The following ASH1L variants were observed in gnomAD, a reference collection of about 807,000 sequenced individuals.
ASH1L encodes ASH1 like histone lysine methyltransferase, also known as histone-lysine N-methyltransferase ASH1L.
In ASH1L, 23 loss-of-function variants were observed where a neutral mutation model predicts 269.0. That is an observed-to-expected ratio of 0.09 (90% CI 0.06 to 0.12). The LOEUF (loss-of-function observed/expected upper bound fraction) is 0.12. Among genes scored for constraint, ASH1L ranks in the 10% least tolerant of loss-of-function variants. The pLI, the probability that ASH1L is intolerant of heterozygous loss-of-function variation, is 1.00. For missense variants in ASH1L, 2,912 were observed against 3,567.8 expected (o/e 0.82, Z 4.68); for synonymous variants, 1,187 against 1,253.5 (o/e 0.95, Z 1.12).
In ASH1L at chr1:155,478,680, C is replaced by A; in HGVS notation, c.4190G>T (p.Gly1397Val). ...AGGATACCTTCCATAGTAACCTAAT[C>A]CTATGGGAGCAGCTGTAAGGGGTGA... ...SPSPLTAAPI[G>V]LGYYGRYPPT... The change falls in exon 3 of 28, where the codon GGA (glycine) becomes GTA (valine). Residue 1397 changes from glycine (G) to valine (V), a missense_variant. Coordinates refer to ENST00000392403, the MANE Select transcript of ASH1L (RefSeq NM_018489.3). This position sits in a 1 kb window ranked among gnomAD's most constrained non-coding sequence, Gnocchi z 4.6. The A allele has an allele frequency of 6.2e-7, 1 of 1,613,818 alleles. No homozygotes were observed.
intron 16 of ASH1L, among the ~76,000 whole-genome samples, chr1:155,353,278 A>G (rs1184000898): frequency 6.6e-6 from 1 of 152,228 alleles, no homozygotes; most frequent in Non-Finnish European, 1.5e-5. Context: ...TAATGCTTTT[A>G]ATGTGTTTTG....
chr1:155,417,213 G>A (rs1232083685), intron 5 of ASH1L, among the ~76,000 whole-genome samples: 2 of 151,860 alleles, frequency 1.3e-5, no homozygotes, highest in Non-Finnish European at 1.5e-5. Context: ...GGGATTACAG[G>A]CGTGAGCCAT....
At position 155,560,633 on chromosome 1, in the gene ASH1L, G is replaced by A. The variant is rs570934987; in HGVS notation, c.-100+1520C>T. 4.3e-4 allele frequency among the ~76,000 whole-genome samples: 66 copies of A among 152,148 alleles called. 1 individual carries two copies. Among genetic ancestry groups the A allele is most frequent in the African/African-American group, 1.6e-3 (65 of 41,516 alleles). On this transcript the variant is annotated intron_variant, in intron 1 of 27. Transcript: ENST00000392403. ...ACAGAGACACCTTGATTATCCTCACGCCAAGGCATGGACCATTTATTGAAC... is the reference window on the plus strand; with the variant it reads ...ACAGAGACACCTTGATTATCCTCACACCAAGGCATGGACCATTTATTGAAC...
intron 10 of ASH1L, among the ~76,000 whole-genome samples, chr1:155,375,698 T>C (rs937011635): frequency 6.6e-6 from 1 of 151,816 alleles, no homozygotes; most frequent in Admixed American, 6.6e-5. Flanking sequence ...GGATGAAGGA[T>C]GAGGCAGGAG....
At chr1:155,535,265 T>C (rs965240943) in intron 1 of ASH1L, among the ~76,000 whole-genome samples, 8 of 151,780 alleles carry the variant, frequency 5.3e-5, no homozygotes, top group Non-Finnish European at 8.8e-5. Flanking sequence ...GGTTTTGCTC[T>C]GTTGCCAAGG....
chr1:155,422,980 C>T (rs1368914370), intron 5 of ASH1L, among the ~76,000 whole-genome samples: 3 of 142,620 alleles, frequency 2.1e-5, no homozygotes, highest in South Asian at 4.5e-4. Context: ...CGGAGTCTCG[C>T]TTTGTTGCCC....
intron 5 of ASH1L, among the ~76,000 whole-genome samples, chr1:155,425,188 G>A (rs532921980): frequency 2.6e-5 from 4 of 151,532 alleles, no homozygotes; most frequent in Non-Finnish European, 5.9e-5. Flanking sequence ...GGCTGGTCTC[G>A]AACTCGAACT....
intron 3 of ASH1L, among the ~76,000 whole-genome samples, chr1:155,460,585 G>C (rs1664226650): frequency 6.6e-6 from 1 of 152,106 alleles, no homozygotes; most frequent in Admixed American, 6.6e-5. Context: ...TGCAGCCTGG[G>C]CAACAGAGCA....
At chr1:155,358,745 A>G (rs1261237742) in intron 13 of ASH1L, 1 of 151,808 alleles carries the variant, frequency 6.6e-6, no homozygotes, top group Admixed American at 6.6e-5. Context: ...TCTGTTTGTC[A>G]TCCTTGCACA....
intron 1 of ASH1L, among the ~76,000 whole-genome samples, chr1:155,547,509 A>G (rs1364692312): frequency 6.6e-6 from 1 of 152,048 alleles, no homozygotes; most frequent in African/African-American, 2.4e-5. Context: ...AGATCACCTG[A>G]GGTCAGGAGT....
intron 5 of ASH1L, among the ~76,000 whole-genome samples, chr1:155,421,030 G>T (rs760896447): frequency 4.0e-5 from 6 of 150,310 alleles, no homozygotes; most frequent in Non-Finnish European, 7.4e-5. Context: ...TGAGCCCAGA[G>T]GTTGGAGACC....
chr1:155,506,262 G>A (rs185227166), intron 2 of ASH1L, among the ~76,000 whole-genome samples: 2 of 152,192 alleles, frequency 1.3e-5, no homozygotes, highest in East Asian at 1.9e-4. Context: ...CCAAAACCTA[G>A]GTAATGTCAT....
intron 10 of ASH1L, among the ~76,000 whole-genome samples, chr1:155,372,612 T>G (rs1571028931): frequency 6.6e-6 from 1 of 151,706 alleles, no homozygotes; most frequent in East Asian, 1.9e-4. Flanking sequence ...CCTGGCCTTT[T>G]TTTTTTTTAA....
intron 1 of ASH1L, among the ~76,000 whole-genome samples, chr1:155,542,287 C>T (rs1466219270): frequency 3.3e-5 from 5 of 152,286 alleles, no homozygotes; most frequent in Non-Finnish European, 5.9e-5. Flanking sequence ...CGGTGGCTTA[C>T]GCCTGTAATC....
At chr1:155,471,731 A>C (rs1325541177) in intron 3 of ASH1L, among the ~76,000 whole-genome samples, 2 of 152,256 alleles carry the variant, frequency 1.3e-5, no homozygotes, top group Admixed American at 6.5e-5. Flanking sequence ...TCCTTTTAAC[A>C]AGTTACCAAA....
At chr1:155,513,178 G>A (rs1668282122) in intron 2 of ASH1L, among the ~76,000 whole-genome samples, 1 of 152,148 alleles carries the variant, frequency 6.6e-6, no homozygotes, top group Non-Finnish European at 1.5e-5. Context: ...GGATGTGGAA[G>A]AACCAGAATA....
intron 10 of ASH1L, among the ~76,000 whole-genome samples, chr1:155,371,213 G>C (rs999171357): frequency 6.6e-6 from 1 of 152,164 alleles, no homozygotes; most frequent in Non-Finnish European, 1.5e-5. Flanking sequence ...TAAGCTAACT[G>C]TCCACTCAGC....
upstream of ASH1L, chr1:155,562,840 C>T (rs868867497): frequency 2.0e-6 from 1 of 501,210 alleles, no homozygotes; most frequent in Admixed American, 2.4e-5. Context: ...CTCTCCTCCC[C>T]CCCCTTCCCC....
chr1:155,473,288 T>C (rs1320439143), intron 3 of ASH1L, among the ~76,000 whole-genome samples: 2 of 152,206 alleles, frequency 1.3e-5, no homozygotes, highest in African/African-American at 4.8e-5. Context: ...GTGTTTTTAT[T>C]GTGTGGCTTC....
Sources: allele counts gnomAD v4.1 joint callset (sites outside exome capture counted in the v4.1 genomes callset), GRCh38; gene constraint gnomAD v4.1.1; non-coding constraint Gnocchi (gnomAD v3.1); transcripts MANE v1.5; gene names NCBI Gene and HGNC (gene_info 2026-07-23, HGNC 2026-07-21).